PCDHA8: variants seen among roughly 807,000 people sequenced by gnomAD.
PCDHA8 encodes protocadherin alpha-8.
In PCDHA8, 53 loss-of-function variants were observed where a neutral mutation model predicts 61.8. That is an observed-to-expected ratio of 0.86 (90% CI 0.69 to 1.08). PCDHA8 has a LOEUF of 1.08. PCDHA8 is among the 50% of genes least tolerant of loss of function. The pLI, the probability that PCDHA8 is intolerant of heterozygous loss-of-function variation, is 0.00. For synonymous variants in PCDHA8, 618 were observed against 556.6 expected, an observed-to-expected ratio of 1.11 and a Z score of -1.55; for missense variants, 1,293 against 1,245.0, an observed-to-expected ratio of 1.04 and a Z score of -0.58.
chr5:141,010,205 G>A lies in PCDHA8; in HGVS notation c.*268G>A, dbSNP rs1554262753. On this transcript the variant is annotated 3_prime_UTR_variant, in exon 4 of 4. Transcript: ENST00000531613. ...ACCCAAGTTTCCTTTCTCCTCCGCC[G>A]CAAAGGAGAGGCTTCCCAGCCCCGC... 4 of 1,551,732 alleles carry A rather than the reference G, an allele frequency of 2.6e-6. No homozygotes were observed. Among genetic ancestry groups the A allele is most frequent in the African/African-American group, 1.4e-5 (1 of 73,014 alleles).
At chr5:140,943,688 G>A (rs2093547294) in intron 1 of PCDHA8, among the ~76,000 whole-genome samples, 1 of 152,170 alleles carries the variant, frequency 6.6e-6, no homozygotes. Context: ...AAGGGATAAG[G>A]TCAAAATATT....
At chr5:140,942,351 G>A (rs893015832) in intron 1 of PCDHA8, among the ~76,000 whole-genome samples, 1 of 152,024 alleles carries the variant, frequency 6.6e-6, no homozygotes, top group Admixed American at 6.6e-5. Flanking sequence ...GGCGGAGGTT[G>A]CAGTTAACGG....
Position 140,842,561 on chromosome 5 carries a change from G to T in PCDHA8, c.1240G>T (p.Asp414Tyr), listed in dbSNP as rs2150339210. 6.7e-7 allele frequency: 1 copy of T among 1,492,420 alleles called. No individual in the cohort carries two copies. Among genetic ancestry groups the T allele is most frequent in the South Asian group, 1.2e-5 (1 of 84,854 alleles). 92.4% of individuals were successfully genotyped at this position (1,492,420 alleles called of 1,614,324 possible). A position where few individuals can be genotyped will look rare whatever the true frequency, so the allele number is the denominator to read the frequency against. The part of the protein sequence containing the change: ...YYSLVLDSAL[D>Y]RERVSAYELV... ...CTCGTTGGTGCTGGACAGCGCCCTG[G>T]ACCGCGAGAGAGTGTCGGCCTATGA... Residue 414 changes from aspartate (D) to tyrosine (Y), a missense_variant, in exon 1 of 4, where the codon GAC (aspartate) becomes TAC (tyrosine). Asp to Tyr is a radical substitution (Grantham distance 160). Coordinates refer to ENST00000531613, the MANE Select transcript of PCDHA8 (RefSeq NM_018911.3).
chr5:140,909,061 A>G (rs2074290709), intron 1 of PCDHA8, among the ~76,000 whole-genome samples: 2 of 152,188 alleles, frequency 1.3e-5, no homozygotes, highest in African/African-American at 4.8e-5. Context: ...CAAATGTCTC[A>G]CCAATAAGCC....
At chr5:140,861,714 C>T (rs1270815582) in intron 1 of PCDHA8, 2 of 216,396 alleles carry the variant, frequency 9.2e-6, no homozygotes, top group Non-Finnish European at 1.9e-5. Flanking sequence ...GACGTCGGGG[C>T]CAATGCTCTG....
Position 140,963,600 on chromosome 5 carries a change from G to A in PCDHA8, c.2395-15349G>A, listed in dbSNP as rs111244023. Among the ~76,000 whole-genome samples, 12 of 152,298 alleles carry A rather than the reference G, an allele frequency of 7.9e-5. No homozygotes were observed. In the South Asian group the frequency reaches 1.7e-3, roughly 21 times the overall value. ...CAAAATGTAGGATATAGTTCTAGAC[G>A]TAATTGGGAAAGCTTAACTTTGTTG... On this transcript the variant is annotated intron_variant, in intron 1 of 3. Transcript: ENST00000531613.
At chr5:140,982,237 G>T (rs2096973071) in intron 2 of PCDHA8, 1 of 665,404 alleles carries the variant, frequency 1.5e-6, no homozygotes, top group East Asian at 3.5e-5. Context: ...AAACAGAATT[G>T]CCATAAAGAT....
chr5:140,925,685 G>T (rs1584406507), intron 1 of PCDHA8, among the ~76,000 whole-genome samples: 1 of 137,694 alleles, frequency 7.3e-6, no homozygotes, highest in South Asian at 2.3e-4. Flanking sequence ...ATAAAGCGAG[G>T]GTGGGTATCT....
At chr5:140,909,186 A>G (rs552786721) in intron 1 of PCDHA8, among the ~76,000 whole-genome samples, 1 of 152,336 alleles carries the variant, frequency 6.6e-6, no homozygotes, top group Admixed American at 6.5e-5. Context: ...TCCAAACAAG[A>G]TTATGACACA....
chr5:140,960,397 G>A (rs1322659184), intron 1 of PCDHA8, among the ~76,000 whole-genome samples: 1 of 152,102 alleles, frequency 6.6e-6, no homozygotes, highest in African/African-American at 2.4e-5. Flanking sequence ...AGGATGCAAG[G>A]GGGGGTGCCC....
chr5:140,870,704 T>A, intron 1 of PCDHA8: 1 of 1,612,984 alleles, frequency 6.2e-7, no homozygotes, highest in East Asian at 2.2e-5. Flanking sequence ...CAGTTCCAGG[T>A]GAGCGCGCGC....
At chr5:140,893,612 T>C (rs1455928353) in intron 1 of PCDHA8, among the ~76,000 whole-genome samples, 1 of 152,240 alleles carries the variant, frequency 6.6e-6, no homozygotes, top group Non-Finnish European at 1.5e-5. Flanking sequence ...CCTTCATTTC[T>C]GAAGTATAGC....
intron 3 of PCDHA8, among the ~76,000 whole-genome samples, chr5:141,000,691 G>A (rs1177204689): frequency 3.3e-5 from 5 of 151,460 alleles, no homozygotes; most frequent in African/African-American, 1.2e-4. Flanking sequence ...GCCTCCCAAA[G>A]TGCTGGGATT....
chr5:140,853,937 G>A (rs367556947), intron 1 of PCDHA8: 2 of 835,562 alleles, frequency 2.4e-6, no homozygotes, highest in Non-Finnish European at 2.9e-6. Flanking sequence ...GGGAGGCCAA[G>A]GTGGGAGGGT....
intron 3 of PCDHA8, 167 bp from the exon 4 acceptor site, chr5:141,009,456 CAAAT>C (rs2098408902): frequency 8.4e-6 from 8 of 947,642 alleles, no homozygotes; most frequent in African/African-American, 3.5e-5. Context: ...AAAAATTAAA[CAAAT>C]AAATAAATAA....
chr5:141,007,728 G>A (rs2098342783), intron 3 of PCDHA8, among the ~76,000 whole-genome samples: 1 of 152,096 alleles, frequency 6.6e-6, no homozygotes, highest in Non-Finnish European at 1.5e-5. Context: ...GAGAACAAAG[G>A]TTAACCACTG....
chr5:140,921,941 A>G (rs1294349868), intron 1 of PCDHA8, among the ~76,000 whole-genome samples: 1 of 152,068 alleles, frequency 6.6e-6, no homozygotes, highest in Non-Finnish European at 1.5e-5. Context: ...ATAATTTTAC[A>G]CTTGTAAAAT....
intron 3 of PCDHA8, among the ~76,000 whole-genome samples, chr5:140,987,154 C>T (rs1404083891): frequency 6.6e-6 from 1 of 150,704 alleles, no homozygotes; most frequent in Non-Finnish European, 1.5e-5. Flanking sequence ...GTGGAGGTTG[C>T]AGTGAGCTGA....
At chr5:140,929,414 A>T (rs1174756115) in intron 1 of PCDHA8, 15 of 1,504,422 alleles carry the variant, frequency 1.0e-5, no homozygotes, top group Non-Finnish European at 1.3e-5. Context: ...GCCTTTCACA[A>T]CATTTCATCA....
Sources: gnomAD v4.1 joint callset for allele counts (sites outside exome capture counted in the v4.1 genomes callset) on GRCh38, gnomAD v4.1.1 for gene constraint, MANE v1.5 for transcripts, NCBI Gene and HGNC (gene_info 2026-07-23, HGNC 2026-07-21) for gene names.